The following CA12 variants were observed in gnomAD, a reference collection of about 807,000 sequenced individuals.
CA12 encodes the protein carbonate dehydratase XII.
A neutral mutation model predicts 46.8 loss-of-function variants in CA12; 36 were observed. The ratio of observed to expected loss-of-function variants is 0.77; its 90% CI spans 0.59 to 1.02. The LOEUF (loss-of-function observed/expected upper bound fraction) is 1.02. Among genes scored for constraint, CA12 ranks in the 50% least tolerant of loss-of-function variants. The probability of loss-of-function intolerance (pLI) is 0.00; values close to 1 mark genes in which losing one functional copy is unlikely to be tolerated. For synonymous variants in CA12, 202 were observed against 187.0 expected (o/e 1.08, Z -0.65); for missense variants, 436 against 451.4 (o/e 0.97, Z 0.31).
At chr15:63,371,449 T>C (rs1482447222) in intron 2 of CA12, among the ~76,000 whole-genome samples, 1 of 152,050 alleles carries the variant, frequency 6.6e-6, no homozygotes, top group African/African-American at 2.4e-5. Flanking sequence ...CAGGCTGACC[T>C]GTAAGCATGT....
intron 4 of CA12, among the ~76,000 whole-genome samples, chr15:63,344,644 A>C (rs2039122309): frequency 6.6e-6 from 1 of 152,188 alleles, no homozygotes; most frequent in African/African-American, 2.4e-5. Context: ...AGCAGTTATG[A>C]CTGGAGGGGA....
rs1595774423 is a variant in CA12, at chr15:63,330,636, T to C, written c.875-2506A>G. ...GGCTGGTGGGGGTACCCTTCATGCCTGGTCTTGGGGAGCTGAGCAAAGTCT... is the reference window on the plus strand; with the variant it reads ...GGCTGGTGGGGGTACCCTTCATGCCCGGTCTTGGGGAGCTGAGCAAAGTCT... On this transcript the variant is annotated intron_variant, in intron 8 of 10. Transcript: ENST00000178638. This position sits in a 1 kb window ranked among gnomAD's most constrained non-coding sequence, Gnocchi z 4.0. Among the ~76,000 whole-genome samples, 1 of 152,182 alleles carries C rather than the reference T, an allele frequency of 6.6e-6. No homozygotes were observed. Among genetic ancestry groups the C allele is most frequent in the African/African-American group, 2.4e-5 (1 of 41,446 alleles).
At chr15:63,368,041 G>A (rs1288365175) in intron 2 of CA12, among the ~76,000 whole-genome samples, 2 of 152,070 alleles carry the variant, frequency 1.3e-5, no homozygotes, top group South Asian at 2.1e-4. Context: ...TTTTTATACC[G>A]TTTTGCCTCC....
chr15:63,346,885 A>T (rs74022912), intron 2 of CA12, among the ~76,000 whole-genome samples, 176 bp from the exon 3 acceptor site: 97 of 152,324 alleles, frequency 6.4e-4, no homozygotes, highest in African/African-American at 2.2e-3. Context: ...ACCACTCAGG[A>T]CCACCTGCTC....
At chr15:63,369,101 A>G (rs2039470079) in intron 2 of CA12, among the ~76,000 whole-genome samples, 1 of 152,234 alleles carries the variant, frequency 6.6e-6, no homozygotes, top group Non-Finnish European at 1.5e-5. Context: ...CAGGCTAGAA[A>G]GGACATTCTG....
At chr15:63,371,212 G>A (rs881644) in intron 2 of CA12, among the ~76,000 whole-genome samples, 17,280 of 152,208 alleles carry the variant, frequency 0.11, 1,080 homozygotes, top group Middle Eastern at 0.22. Flanking sequence ...GACAGAAGGC[G>A]GGTGGAGGTG....
Position 63,327,126 on chromosome 15 carries a change from A to T in CA12, c.992+23T>A. ...CATGGACACATAGCTGTCCATTCCC[A>T]TTTTGGACCCAAACCAGCTCACCTC... is the stretch of plus-strand genomic sequence containing the variant. On this transcript the variant is annotated intron_variant, in intron 10 of 10. Coordinates refer to ENST00000178638, the MANE Select transcript of CA12 (RefSeq NM_001218.5). The surrounding 1 kb of genome is among the most constrained non-coding windows in gnomAD (Gnocchi z 4.5). The T allele has an allele frequency of 6.2e-7, 1 of 1,605,936 alleles. No homozygotes were observed. Among genetic ancestry groups the T allele is most frequent in the Non-Finnish European group, 8.5e-7 (1 of 1,172,746 alleles).
intron 2 of CA12, among the ~76,000 whole-genome samples, chr15:63,350,850 C>A (rs1159887903): frequency 6.6e-6 from 1 of 152,172 alleles, no homozygotes; most frequent in Non-Finnish European, 1.5e-5. Flanking sequence ...CCTGCCTCAT[C>A]TATGCTAAGC....
In CA12 at chr15:63,340,699, A is replaced by G. The variant is rs763460109; in HGVS notation, c.589+21T>C. 1.9e-6 allele frequency: 3 copies of G among 1,610,046 alleles called. No homozygotes were observed. Among genetic ancestry groups the G allele is most frequent in the Admixed American group, 1.7e-5 (1 of 60,024 alleles). On this transcript the variant is annotated intron_variant, in intron 6 of 10. Transcript: ENST00000178638. This position sits in a 1 kb window ranked among gnomAD's most constrained non-coding sequence, Gnocchi z 4.4. ...CCTCCTTCTCCAGCAGAGAGTGAAT[A>G]TGCATGCAAGGACCCCTCACCTTTG... is the stretch of plus-strand genomic sequence containing the variant.
chr15:63,355,200 T>A lies in CA12; in HGVS notation c.107-8491A>T, dbSNP rs1293112905. Among the ~76,000 whole-genome samples, 1 of 152,152 alleles carries A rather than the reference T, an allele frequency of 6.6e-6. No homozygotes were observed. Among genetic ancestry groups the A allele is most frequent in the Non-Finnish European group, 1.5e-5 (1 of 68,026 alleles). Reference sequence around the variant, plus strand: ...TTCGTTCCAGCAGCGCTGAGCTGCTTGCATCCTGCAGACACACCAAGCTGC... The same window carrying A: ...TTCGTTCCAGCAGCGCTGAGCTGCTAGCATCCTGCAGACACACCAAGCTGC... On this transcript the variant is annotated intron_variant, in intron 2 of 10. Transcript: ENST00000178638. This position sits in a 1 kb window ranked among gnomAD's most constrained non-coding sequence, Gnocchi z 4.1.
rs558656560 is a variant in CA12 at position 63,372,112 on chromosome 15, A to G, written c.106+3546T>C. Among the ~76,000 whole-genome samples, 76 of 152,124 alleles carry G rather than the reference A, an allele frequency of 5.0e-4. No homozygotes were observed. Among genetic ancestry groups the G allele is most frequent in the Non-Finnish European group, 8.4e-4 (57 of 68,024 alleles). ...CTCCTTCCGGTCATCTTCATCCCCC[A>G]CAGGGCACATATTCTGATACCTTAG... is the stretch of plus-strand genomic sequence containing the variant. On this transcript the variant is annotated intron_variant, in intron 2 of 10. Transcript: ENST00000178638. This position sits in a 1 kb window ranked among gnomAD's most constrained non-coding sequence, Gnocchi z 4.5.
chr15:63,373,569 G>T lies in CA12; in HGVS notation c.106+2089C>A, dbSNP rs983988113. Among the ~76,000 whole-genome samples the T allele has an allele frequency of 6.6e-6, 1 of 152,186 alleles. No homozygotes were observed. The highest frequency in any genetic ancestry group is 1.5e-5 in the Non-Finnish European group (1 of 68,026). Reference sequence around the variant, plus strand: ...GATAGACAGGTCTTGGGAACCATGGGTCAGTGATTCTCTGATAGAGTGCAG... The same window carrying T: ...GATAGACAGGTCTTGGGAACCATGGTTCAGTGATTCTCTGATAGAGTGCAG... On this transcript the variant is annotated intron_variant, in intron 2 of 10. Coordinates refer to ENST00000178638, the MANE Select transcript of CA12 (RefSeq NM_001218.5). This position sits in a 1 kb window ranked among gnomAD's most constrained non-coding sequence, Gnocchi z 4.9.
At chr15:63,326,490 T>C in intron 10 of CA12, 133 bp from the exon 11 acceptor site, 1 of 735,832 alleles carries the variant, frequency 1.4e-6, no homozygotes, top group Admixed American at 2.0e-5. Context: ...CCCAATTCTG[T>C]TGGTCTTGGG....
Position 63,324,841 on chromosome 15 carries a change from A to C in CA12, c.*1444T>G, listed in dbSNP as rs941664880. The C allele has an allele frequency of 6.6e-6, 1 of 151,954 alleles. No individual in the cohort carries two copies. Among genetic ancestry groups the C allele is most frequent in the African/African-American group, 2.4e-5 (1 of 41,366 alleles). 9.4% of individuals were successfully genotyped at this position (151,954 alleles called of 1,614,324 possible). A position where few individuals can be genotyped will look rare whatever the true frequency, so the allele number is the denominator to read the frequency against. On this transcript the variant is annotated 3_prime_UTR_variant, in exon 11 of 11. Transcript: ENST00000178638. ...AGTCAGAGGGAGGAGTAGAAGGAAA[A>C]AGATATTTAAAAAGCTATGCTTCAA... is the stretch of plus-strand genomic sequence containing the variant.
At chr15:63,333,444 C>T (rs2152611872) in intron 8 of CA12, among the ~76,000 whole-genome samples, 1 of 152,340 alleles carries the variant, frequency 6.6e-6, no homozygotes, top group Admixed American at 6.5e-5. Flanking sequence ...GTGAAAGGCA[C>T]TAGGACCTCA....
At position 63,325,680 on chromosome 15, in the gene CA12, G is replaced by C. The variant is rs1335370756; in HGVS notation, c.*605C>G. The C allele has an allele frequency of 6.1e-6, 1 of 162,856 alleles. No homozygotes were observed. The allele number at this position is 162,856 out of a possible 1,614,324, so 10.1% of individuals were successfully genotyped here. The stretch of plus-strand genomic sequence containing the variant: ...TGATCCAGAGGACAGGACTGTGAAA[G>C]TGTCCCTAATATATCACAATGTATA... On this transcript the variant is annotated 3_prime_UTR_variant, in exon 11 of 11. Transcript: ENST00000178638. This position sits in a 1 kb window ranked among gnomAD's most constrained non-coding sequence, Gnocchi z 4.9.
rs1203022108 is a variant in CA12 at position 63,321,851 on chromosome 15, CGAG to C, written c.*4431_*4433del. 1 of 152,292 alleles carries C rather than the reference CGAG, an allele frequency of 6.6e-6. No individual in the cohort carries two copies. The highest frequency in any genetic ancestry group is 1.5e-5 in the Non-Finnish European group (1 of 68,084). The allele number at this position is 152,292 out of a possible 1,614,324, so 9.4% of individuals were successfully genotyped here. On this transcript the variant is annotated 3_prime_UTR_variant, in exon 11 of 11. Transcript: ENST00000178638. The surrounding 1 kb of genome is among the most constrained non-coding windows in gnomAD (Gnocchi z 4.5). ...CACAGCCGGGCCCACTGCGGCGAGG[CGAG>C]GAGATGTGGGGAGAGGAAGAGCGGC...
At position 63,342,077 on chromosome 15, in the gene CA12, G is replaced by A; in HGVS notation, c.450C>T (p.Asn150=). The A allele has an allele frequency of 3.1e-6, 5 of 1,606,328 alleles. No individual in the cohort carries two copies. The highest frequency in any genetic ancestry group is 4.3e-6 in the Non-Finnish European group (5 of 1,175,784). ...FAAELHIVHY[N]SDLYPDASTA... ...TGCTGGCGTCAGGATAAAGGTCTGAGTTATAATGGACAATGTGCAGCTGCA... is the reference window on the plus strand; with the variant it reads ...TGCTGGCGTCAGGATAAAGGTCTGAATTATAATGGACAATGTGCAGCTGCA... The change falls in exon 5 of 11, where the codon AAC becomes AAT. Residue 150 remains asparagine, a synonymous_variant. Transcript: ENST00000178638.
chr15:63,333,263 C>T (rs2038958556), intron 8 of CA12, among the ~76,000 whole-genome samples: 2 of 152,244 alleles, frequency 1.3e-5, no homozygotes, highest in African/African-American at 2.4e-5. Flanking sequence ...GCTAGGGCCC[C>T]ATCACCAAGG....
Sources: allele counts gnomAD v4.1 joint callset (sites outside exome capture counted in the v4.1 genomes callset), GRCh38; gene constraint gnomAD v4.1.1; non-coding constraint Gnocchi (gnomAD v3.1); transcripts MANE v1.5; gene names NCBI Gene and HGNC (gene_info 2026-07-23, HGNC 2026-07-21).